PTDSS1: variants seen among roughly 807,000 people sequenced by gnomAD.
PTDSS1 encodes PSS-1.
A neutral mutation model predicts 70.5 loss-of-function variants in PTDSS1; 45 were observed. The ratio of observed to expected loss-of-function variants is 0.64; its 90% CI spans 0.50 to 0.82. PTDSS1 has a LOEUF of 0.82. Among genes scored for constraint, PTDSS1 ranks in the 40% least tolerant of loss-of-function variants. PTDSS1 has a pLI of 0.00. For missense variants in PTDSS1, 417 were observed against 586.1 expected, an observed-to-expected ratio of 0.71 and a Z score of 2.98; for synonymous variants, 188 against 203.8, an observed-to-expected ratio of 0.92 and a Z score of 0.66.
intron 1 of PTDSS1, among the ~76,000 whole-genome samples, chr8:96,265,643 T>C (rs1022769314): frequency 6.6e-6 from 1 of 152,164 alleles, no homozygotes; most frequent in Non-Finnish European, 1.5e-5. Flanking sequence ...CGTGGTGGCA[T>C]GCACCTGGAG....
chr8:96,318,566 T>C (rs1811328617), intron 9 of PTDSS1, among the ~76,000 whole-genome samples: 1 of 152,222 alleles, frequency 6.6e-6, no homozygotes, highest in South Asian at 2.1e-4. Context: ...AATCACAGTC[T>C]AGACTTTAGA....
At chr8:96,323,449 A>C (rs1166449471) in intron 10 of PTDSS1, among the ~76,000 whole-genome samples, 1 of 152,166 alleles carries the variant, frequency 6.6e-6, no homozygotes, top group African/African-American at 2.4e-5. Context: ...TGCGTTTTGC[A>C]TACCTGCAGA....
At chr8:96,331,257 G>T (rs376668323) in intron 12 of PTDSS1, among the ~76,000 whole-genome samples, 162 bp downstream of exon 12, 38 of 152,330 alleles carry the variant, frequency 2.5e-4, no homozygotes, top group African/African-American at 9.1e-4. Context: ...GCTGGGCACG[G>T]TGGCTCACGC....
At chr8:96,314,778 A>G (rs983121623) in intron 9 of PTDSS1, among the ~76,000 whole-genome samples, 15 of 151,862 alleles carry the variant, frequency 9.9e-5, no homozygotes, top group Admixed American at 2.0e-4. Flanking sequence ...TTGTATTTTT[A>G]GTAGAGACGG....
At chr8:96,266,795 A>G (rs1810493600) in intron 1 of PTDSS1, among the ~76,000 whole-genome samples, 1 of 152,170 alleles carries the variant, frequency 6.6e-6, no homozygotes. Flanking sequence ...TTCCCTGGTT[A>G]CCATTTGAAT....
chr8:96,261,930 C>T lies in PTDSS1; in HGVS notation c.-111C>T, dbSNP rs554623702. The stretch of plus-strand genomic sequence containing the variant: ...TCTGCTCCCAGCCTTTGCTGGGCGC[C>T]AGACCCGGCTTTGCCGTCCGGCTAT... On this transcript the variant is annotated 5_prime_UTR_variant, in exon 1 of 13. Transcript: ENST00000517309. The T allele has an allele frequency of 5.9e-6, 7 of 1,194,102 alleles. No homozygotes were observed. Among genetic ancestry groups the T allele is most frequent in the Non-Finnish European group, 6.9e-6 (6 of 866,388 alleles). The allele number at this position is 1,194,102 out of a possible 1,614,324, so 74.0% of individuals were successfully genotyped here. A position where few individuals can be genotyped will look rare whatever the true frequency, so the allele number is the denominator to read the frequency against.
intron 10 of PTDSS1, among the ~76,000 whole-genome samples, chr8:96,322,165 C>T (rs1811381143): frequency 6.6e-6 from 1 of 152,130 alleles, no homozygotes; most frequent in Admixed American, 6.5e-5. Flanking sequence ...CAGCTGCCTC[C>T]CCACCACTGC....
chr8:96,299,127 A>G (rs1044676808), intron 5 of PTDSS1, among the ~76,000 whole-genome samples: 1 of 151,890 alleles, frequency 6.6e-6, no homozygotes, highest in Non-Finnish European at 1.5e-5. Flanking sequence ...CTTGCACATC[A>G]TGGGCACTTA....
At chr8:96,308,409 G>A (rs1405147242) in intron 8 of PTDSS1, among the ~76,000 whole-genome samples, 3 of 152,202 alleles carry the variant, frequency 2.0e-5, no homozygotes, top group Non-Finnish European at 4.4e-5. Flanking sequence ...TCAGGTATTC[G>A]TGAATCCTCT....
intron 4 of PTDSS1, among the ~76,000 whole-genome samples, chr8:96,288,625 C>CTTTTTTTTT (rs777705401): frequency 3.5e-5 from 3 of 84,660 alleles, no homozygotes; most frequent in African/African-American, 1.2e-4. Flanking sequence ...CACGCTTGGC[C>CTTTTTTTTT]TTTTTTTTTT....
chr8:96,310,470 C>CTTT (rs34660364), intron 9 of PTDSS1, among the ~76,000 whole-genome samples: 1 of 142,654 alleles, frequency 7.0e-6, no homozygotes, highest in South Asian at 2.2e-4. Context: ...CCTTGGCTCT[C>CTTT]TTTTTTTTTT....
intron 2 of PTDSS1, among the ~76,000 whole-genome samples, chr8:96,273,598 T>G (rs1418225307): frequency 2.0e-5 from 3 of 152,230 alleles, no homozygotes; most frequent in African/African-American, 7.2e-5. Flanking sequence ...TTCAGTTTCC[T>G]TCTATAAAAT....
At chr8:96,287,235 T>C in intron 4 of PTDSS1, 89 bp downstream of exon 4, 1 of 1,505,414 alleles carries the variant, frequency 6.6e-7, no homozygotes. Flanking sequence ...AAATTGTTCC[T>C]TCTCTGTATT....
chr8:96,308,034 C>T (rs544556581), intron 8 of PTDSS1, among the ~76,000 whole-genome samples: 4 of 152,272 alleles, frequency 2.6e-5, no homozygotes, highest in Admixed American at 1.3e-4. Context: ...TGACAAGTTA[C>T]TCGGAAAGAT....
At chr8:96,314,441 G>T (rs1456239380) in intron 9 of PTDSS1, among the ~76,000 whole-genome samples, 1 of 151,706 alleles carries the variant, frequency 6.6e-6, no homozygotes, top group East Asian at 1.9e-4. Flanking sequence ...TGGGAGGGGG[G>T]TCCCTTCCCA....
At position 96,306,314 on chromosome 8, in the gene PTDSS1, G is replaced by A. The variant is rs1586200267; in HGVS notation, c.895-130G>A. The A allele has an allele frequency of 4.3e-6, 3 of 705,688 alleles. No individual in the cohort carries two copies. The East Asian group carries it at 8.0e-5, about 19-fold the overall frequency. The allele number at this position is 705,688 out of a possible 1,614,324, so 43.7% of individuals were successfully genotyped here. On this transcript the variant is annotated intron_variant, in intron 7 of 12. Transcript: ENST00000517309. Reference sequence around the variant, plus strand: ...CTAGTTTGAATAGCAATCCTTGGAAGACCACATCTATTCTCTGAAAATGCT... The same window carrying A: ...CTAGTTTGAATAGCAATCCTTGGAAAACCACATCTATTCTCTGAAAATGCT...
Position 96,323,714 on chromosome 8 carries a change from C to G in PTDSS1, c.1173+3369C>G, listed in dbSNP as rs1037886790. Among the ~76,000 whole-genome samples the G allele has an allele frequency of 2.1e-4, 32 of 152,200 alleles. 1 individual carries two copies. Among genetic ancestry groups the G allele is most frequent in the Non-Finnish European group, 5.9e-5 (4 of 68,036 alleles). On this transcript the variant is annotated intron_variant, in intron 10 of 12. Coordinates refer to ENST00000517309, the MANE Select transcript of PTDSS1 (RefSeq NM_014754.3). ...GGGGCAGCCTTGAAGATCTCTGAAA[C>G]GCTTTTGCTTTCAGGGATCTTCCTC...
In PTDSS1 at chr8:96,312,825, G is replaced by A. The variant is rs62516303; in HGVS notation, c.1073+3203G>A. 7.6e-3 allele frequency among the ~76,000 whole-genome samples: 1,151 copies of A among 152,254 alleles called. 13 individuals carry two copies. The highest frequency in any genetic ancestry group is 0.027 in the Middle Eastern group (8 of 294). On this transcript the variant is annotated intron_variant, in intron 9 of 12. Coordinates refer to ENST00000517309, the MANE Select transcript of PTDSS1 (RefSeq NM_014754.3). ...CACAGCCTCCTGCTCTCCTGACCCC[G>A]GAGGCCACCCACTTCCTTCCTCTGC...
intron 2 of PTDSS1, among the ~76,000 whole-genome samples, chr8:96,273,910 A>G (rs910341477): frequency 6.6e-6 from 1 of 152,196 alleles, no homozygotes; most frequent in South Asian, 2.1e-4. Flanking sequence ...AAAAAAGACA[A>G]TGATTTCTGT....
Sources: gnomAD v4.1 joint callset for allele counts (sites outside exome capture counted in the v4.1 genomes callset) on GRCh38, gnomAD v4.1.1 for gene constraint, MANE v1.5 for transcripts, NCBI Gene and HGNC (gene_info 2026-07-23, HGNC 2026-07-21) for gene names.